The following NEBL variants were observed in gnomAD, a reference collection of about 807,000 sequenced individuals.
NEBL encodes the protein LIM and SH3 protein 2.
A neutral mutation model predicts 140.2 loss-of-function variants in NEBL; 122 were observed. The ratio of observed to expected loss-of-function variants is 0.87; its 90% CI spans 0.75 to 1.01. NEBL has a LOEUF of 1.01. Among genes scored for constraint, NEBL ranks in the 50% least tolerant of loss-of-function variants. The probability of loss-of-function intolerance (pLI) is 0.00; values close to 1 mark genes in which losing one functional copy is unlikely to be tolerated. For synonymous variants in NEBL, 436 were observed against 398.9 expected (o/e 1.09, Z -1.11); for missense variants, 1,365 against 1,231.3 (o/e 1.11, Z -1.62).
At chr10:20,791,047 G>A (rs529140347) in intron 26 of NEBL, among the ~76,000 whole-genome samples, 64 of 152,316 alleles carry the variant, frequency 4.2e-4, no homozygotes, top group Middle Eastern at 3.4e-3. Flanking sequence ...GAGTTTGACA[G>A]GTTGTTTTAT....
At chr10:20,993,677 T>C (rs1271362079) in intron 3 of NEBL, among the ~76,000 whole-genome samples, 1 of 152,168 alleles carries the variant, frequency 6.6e-6, no homozygotes, top group Non-Finnish European at 1.5e-5. Context: ...GCCCATTGGC[T>C]GGCAAGAGTC....
At chr10:20,971,188 C>A (rs1836553519) in intron 3 of NEBL, among the ~76,000 whole-genome samples, 1 of 151,956 alleles carries the variant, frequency 6.6e-6, no homozygotes, top group African/African-American at 2.4e-5. Context: ...AATACCATTG[C>A]CAAAATGGTA....
At chr10:20,835,018 G>T (rs774983980) in intron 14 of NEBL, among the ~76,000 whole-genome samples, 4 of 152,142 alleles carry the variant, frequency 2.6e-5, no homozygotes, top group Admixed American at 6.5e-5. Context: ...CATCCAAAAT[G>T]CTGACTGTGT....
chr10:21,266,859 C>T (rs536394353), intron 1 of NEBL, among the ~76,000 whole-genome samples: 1 of 152,316 alleles, frequency 6.6e-6, no homozygotes, highest in East Asian at 1.9e-4. Context: ...CTTACTGCAA[C>T]CTCTGCCTCC....
chr10:20,997,733 G>C (rs1489206274), intron 3 of NEBL, among the ~76,000 whole-genome samples: 1 of 152,050 alleles, frequency 6.6e-6, no homozygotes, highest in African/African-American at 2.4e-5. Context: ...CAGTGGTAAT[G>C]TTCTGATCAG....
chr10:21,018,876 A>C (rs45503098), intron 3 of NEBL, among the ~76,000 whole-genome samples: 13,013 of 152,156 alleles, frequency 0.086, 643 homozygotes, highest in Middle Eastern at 0.12. Flanking sequence ...AAAAATACAA[A>C]AATTAGCCGG....
Position 20,785,487 on chromosome 10 carries a change from C to T in NEBL, c.*260G>A, listed in dbSNP as rs1282920275. 9.8e-6 allele frequency: 5 copies of T among 512,618 alleles called. No individual in the cohort carries two copies. Among genetic ancestry groups the T allele is most frequent in the Non-Finnish European group, 1.8e-5 (5 of 283,978 alleles). The allele number at this position is 512,618 out of a possible 1,614,324, so 31.8% of individuals were successfully genotyped here. On this transcript the variant is annotated 3_prime_UTR_variant, in exon 28 of 28. Transcript: ENST00000377122. ...ACATTTCCCAGAAGGGTTCAATAGC[C>T]AATCAAAGGAAACCATGAACACAAT...
chr10:20,954,587 G>C (rs1045267620), intron 4 of NEBL, among the ~76,000 whole-genome samples: 3 of 152,176 alleles, frequency 2.0e-5, no homozygotes, highest in Non-Finnish European at 4.4e-5. Context: ...GGGTTTTGCT[G>C]GGTGAAAGGA....
At chr10:20,988,951 G>A (rs897619281) in intron 3 of NEBL, among the ~76,000 whole-genome samples, 1 of 152,094 alleles carries the variant, frequency 6.6e-6, no homozygotes, top group African/African-American at 2.4e-5. Flanking sequence ...GCACACATTA[G>A]GTACTCAATA....
intron 2 of NEBL, among the ~76,000 whole-genome samples, chr10:21,086,940 CCAATCCCAAT>C (rs1263318814): frequency 6.6e-6 from 1 of 152,150 alleles, no homozygotes; most frequent in African/African-American, 2.4e-5. Context: ...CACCCCAACA[CCAATCCCAAT>C]CAATTTGGTT....
At position 21,107,592 on chromosome 10, in the gene NEBL, G is replaced by A. The variant is rs138433669; in HGVS notation, c.164+64791C>T. On this transcript the variant is annotated intron_variant, in intron 2 of 6. Coordinates refer to the NEBL transcript ENST00000417816. ...TGCCAGTATTTTATTGAGGATTTTTGCATCGATGTTCATCAAGGATATTGG... is the reference window on the plus strand; with the variant it reads ...TGCCAGTATTTTATTGAGGATTTTTACATCGATGTTCATCAAGGATATTGG... Among the ~76,000 whole-genome samples, 713 of 152,210 alleles carry A rather than the reference G, an allele frequency of 4.7e-3. 5 individuals are homozygous for A. Among genetic ancestry groups the A allele is most frequent in the African/African-American group, 0.016 (673 of 41,530 alleles).
At chr10:20,787,410 G>T in intron 26 of NEBL, 102 bp from the exon 27 acceptor site, 1 of 894,222 alleles carries the variant, frequency 1.1e-6, no homozygotes, top group Non-Finnish European at 1.8e-6. Context: ...AGAAGCTTCT[G>T]AAACAAAATG....
chr10:21,039,737 C>A (rs1282996602), intron 2 of NEBL, among the ~76,000 whole-genome samples: 1 of 152,128 alleles, frequency 6.6e-6, no homozygotes, highest in Non-Finnish European at 1.5e-5. Context: ...GGAATAATAC[C>A]TAGACTAATT....
intron 4 of NEBL, among the ~76,000 whole-genome samples, chr10:20,885,552 C>G (rs551264498): frequency 6.6e-6 from 1 of 152,244 alleles, no homozygotes; most frequent in East Asian, 1.9e-4. Context: ...AATATACAAC[C>G]TGGATTATTT....
intron 2 of NEBL, among the ~76,000 whole-genome samples, chr10:21,057,019 A>T (rs564742425): frequency 1.2e-3 from 176 of 148,760 alleles, no homozygotes; most frequent in South Asian, 9.1e-3. Context: ...AGTATTATTT[A>T]AAAAAACAGG....
Position 20,923,666 on chromosome 10 carries a change from C to CAA in NEBL, c.357+38004_357+38005dup, listed in dbSNP as rs71390799. Among the ~76,000 whole-genome samples the CAA allele has an allele frequency of 7.1e-4, 20 of 28,360 alleles. 2 individuals are homozygous for CAA. The highest frequency in any genetic ancestry group is 2.3e-3 in the South Asian group (1 of 426). The allele number at this position is 28,360 out of a possible 152,430, so 18.6% of individuals were successfully genotyped here. On this transcript the variant is annotated intron_variant, in intron 4 of 6. Transcript: ENST00000417816. ...TGCACTCCAGAGCAAGACTCCGTCT[C>CAA]AAAAAAAAAAAAAAAAAAAAAAAAA...
chr10:21,106,341 C>T (rs1837716262), intron 2 of NEBL, among the ~76,000 whole-genome samples: 1 of 152,000 alleles, frequency 6.6e-6, no homozygotes, highest in South Asian at 2.1e-4. Context: ...AGTCTTTAAT[C>T]CAACTTGAAT....
At chr10:20,909,515 T>C (rs569296259) in intron 4 of NEBL, among the ~76,000 whole-genome samples, 127 of 152,280 alleles carry the variant, frequency 8.3e-4, no homozygotes, top group Admixed American at 1.6e-3. Context: ...TGTACCCAAA[T>C]AGAGCCTGCC....
chr10:21,288,809 C>CGTGTGTGT (rs76161328), intron 1 of NEBL, among the ~76,000 whole-genome samples: 1 of 56,758 alleles, frequency 1.8e-5, no homozygotes, highest in African/African-American at 6.0e-5. Context: ...ACAATATATA[C>CGTGTGTGT]GTGTGTGTGT....
Sources: allele counts gnomAD v4.1 joint callset (sites outside exome capture counted in the v4.1 genomes callset), GRCh38; gene constraint gnomAD v4.1.1; transcripts MANE v1.5; gene names NCBI Gene and HGNC (gene_info 2026-07-23, HGNC 2026-07-21).